The following HOXB9 variants were observed in gnomAD, a reference collection of about 807,000 sequenced individuals.
HOXB9 encodes homeobox B9, also known as homeobox protein Hox-B9.
HOXB9 carries 10 observed loss-of-function variants against 21.5 expected under a neutral mutation model. The observed-to-expected ratio is 0.47, with a 90% CI of 0.29 to 0.79. The LOEUF (loss-of-function observed/expected upper bound fraction) is 0.79. Among genes scored for constraint, HOXB9 ranks in the 30% least tolerant of loss-of-function variants. The probability of loss-of-function intolerance (pLI) is 0.10; values close to 1 mark genes in which losing one functional copy is unlikely to be tolerated. For missense variants in HOXB9, 375 were observed against 338.7 expected (o/e 1.11, Z -0.84); for synonymous variants, 156 against 151.2 (o/e 1.03, Z -0.23).
At chr17:48,625,707 C>G (rs192619342) in intron 1 of HOXB9, 46 bp downstream of exon 1, 16,242 of 1,428,818 alleles carry the variant, frequency 0.011, 122 homozygotes, top group South Asian at 0.019. Flanking sequence ...TCCCCGCCCC[C>G]CTCCTGGCCT....
intron 1 of HOXB9, 34 bp from the exon 2 acceptor site, chr17:48,623,169 G>A (rs2070785404): frequency 1.3e-6 from 2 of 1,533,876 alleles, no homozygotes; most frequent in African/African-American, 2.7e-5. Flanking sequence ...TCAAAGAAAG[G>A]AAGGGGGTGA....
At position 48,626,224 on chromosome 17, in the gene HOXB9, T is replaced by C. The variant is rs1216074769; in HGVS notation, c.46A>G (p.Ile16Val). 1.3e-6 allele frequency: 2 copies of C among 1,598,730 alleles called. No individual in the cohort carries two copies. The highest frequency in any genetic ancestry group is 1.1e-5 in the South Asian group (1 of 91,008). Residue 16 changes from isoleucine to valine, a missense_variant, in exon 1 of 2, where the codon ATA becomes GTA. By Grantham distance (29) the Ile-to-Val change is conservative. Coordinates refer to ENST00000311177, the MANE Select transcript of HOXB9 (RefSeq NM_024017.5). ...GGCGCGTCCTCACTCTCGTGACTTA[T>C]GATCGAGTCGACATAATAGCTGCTA... Reference protein sequence around the residue: ...TLSSYYVDSIISHESEDAPPA... With the variant: ...TLSSYYVDSIVSHESEDAPPA...
chr17:48,621,600 C>T lies in HOXB9; in HGVS notation c.*1300G>A, dbSNP rs1431810046. ...GGCCCATGAAGCAGGAGGCCAAGCC[C>T]GGCCCTGGGGCGGGTCTCCTTTGGC... is the stretch of plus-strand genomic sequence containing the variant. On this transcript the variant is annotated 3_prime_UTR_variant, in exon 2 of 2. Coordinates refer to ENST00000311177, the MANE Select transcript of HOXB9 (RefSeq NM_024017.5). The T allele has an allele frequency of 6.6e-6, 1 of 152,304 alleles. No homozygotes were observed. The highest frequency in any genetic ancestry group is 2.4e-5 in the African/African-American group (1 of 41,476). The allele number at this position is 152,304 out of a possible 1,614,324, so 9.4% of individuals were successfully genotyped here.
intron 1 of HOXB9, among the ~76,000 whole-genome samples, chr17:48,624,389 C>T (rs979353881): frequency 2.0e-5 from 3 of 152,030 alleles, no homozygotes; most frequent in Non-Finnish European, 4.4e-5. Context: ...GCTGCCTTGC[C>T]ATAATGGGCT....
chr17:48,624,569 G>A (rs555046215), intron 1 of HOXB9, among the ~76,000 whole-genome samples: 2 of 152,196 alleles, frequency 1.3e-5, no homozygotes, highest in South Asian at 4.1e-4. Flanking sequence ...CAGCAGGCAA[G>A]GATGCTCTAA....
chr17:48,622,227 T>C lies in HOXB9; in HGVS notation c.*673A>G, dbSNP rs1261353948. On this transcript the variant is annotated 3_prime_UTR_variant, in exon 2 of 2. Transcript: ENST00000311177. Reference sequence around the variant, plus strand: ...GCTTGGGGGCTAGGTTTGCTCCATCTTCCCCATGGCCCTTGGCCTGAGAAT... The same window carrying C: ...GCTTGGGGGCTAGGTTTGCTCCATCCTCCCCATGGCCCTTGGCCTGAGAAT... 1 of 152,684 alleles carries C rather than the reference T, an allele frequency of 6.5e-6. No individual in the cohort carries two copies. The highest frequency in any genetic ancestry group is 2.4e-5 in the African/African-American group (1 of 41,472). The allele number at this position is 152,684 out of a possible 1,614,324, so 9.5% of individuals were successfully genotyped here.
At position 48,621,280 on chromosome 17, in the gene HOXB9, C is replaced by T. The variant is rs935700224; in HGVS notation, c.*1620G>A. ...CAGAACCCTCCCATATAATCGACAACTGAAAACAAGCGAGACAATCACCCC... is the reference window on the plus strand; with the variant it reads ...CAGAACCCTCCCATATAATCGACAATTGAAAACAAGCGAGACAATCACCCC... On this transcript the variant is annotated 3_prime_UTR_variant, in exon 2 of 2. Coordinates refer to ENST00000311177, the MANE Select transcript of HOXB9 (RefSeq NM_024017.5). 4 of 147,922 alleles carry T rather than the reference C, an allele frequency of 2.7e-5. No individual in the cohort carries two copies. Among genetic ancestry groups the T allele is most frequent in the African/African-American group, 1.0e-4 (4 of 39,754 alleles). 9.2% of individuals were successfully genotyped at this position (147,922 alleles called of 1,614,324 possible). A position where few individuals can be genotyped will look rare whatever the true frequency, so the allele number is the denominator to read the frequency against.
In HOXB9 at chr17:48,625,944, G is replaced by C; in HGVS notation, c.326C>G (p.Pro109Arg). Residue 109 changes from proline to arginine, a missense_variant, in exon 1 of 2, where the codon CCG (proline) becomes CGG (arginine). By Grantham distance (103) the Pro-to-Arg change is moderately radical (BLOSUM62 -2). Transcript: ENST00000311177. ...CTTCACCGCCGCCTGGCCCTGCCCC[G>C]GGGCCGCTTCGCCGCGCGGCGCCGG... ...LEPAPRGEAAPGQGQAAVKAE... is the reference protein window; with the variant it reads ...LEPAPRGEAARGQGQAAVKAE... 1 of 1,511,294 alleles carries C rather than the reference G, an allele frequency of 6.6e-7. No individual in the cohort carries two copies. The highest frequency in any genetic ancestry group is 8.8e-7 in the Non-Finnish European group (1 of 1,140,540). 93.6% of individuals were successfully genotyped at this position (1,511,294 alleles called of 1,614,324 possible). A position where few individuals can be genotyped will look rare whatever the true frequency, so the allele number is the denominator to read the frequency against.
chr17:48,625,756 G>A lies in HOXB9; in HGVS notation c.514C>T (p.Gln172Ter). 1 of 1,574,406 alleles carries A rather than the reference G, an allele frequency of 6.4e-7. No individual in the cohort carries two copies. The highest frequency in any genetic ancestry group is 8.6e-7 in the Non-Finnish European group (1 of 1,160,986). ...TTCCTCACTTTTTATAACTTACTTTGATCCGGCCTCTCTTTGTCCTCGCTT... is the reference window on the plus strand; with the variant it reads ...TTCCTCACTTTTTATAACTTACTTTAATCCGGCCTCTCTTTGTCCTCGCTT... Reference protein sequence around the residue: ...EGSEDKERPDQTNPSANWLHA... With the variant: ...EGSEDKERPD Residue 172 changes from glutamine to a stop codon, truncating the protein, a stop_gained, in exon 1 of 2, where the codon CAA (glutamine) becomes TAA (stop). Transcript: ENST00000311177. LOFTEE classifies it high-confidence loss of function.
Position 48,622,895 on chromosome 17 carries a change from A to C in HOXB9, c.*5T>G. The C allele has an allele frequency of 6.2e-7, 1 of 1,606,810 alleles. No individual in the cohort carries two copies. Among genetic ancestry groups the C allele is most frequent in the Admixed American group, 1.7e-5 (1 of 59,994 alleles). On this transcript the variant is annotated 3_prime_UTR_variant, in exon 2 of 2. Coordinates refer to ENST00000311177, the MANE Select transcript of HOXB9 (RefSeq NM_024017.5). ...CTAGGGAGGACTGGGGGTAATCTTT[A>C]ATCTTTACTCTTTGCCCTGCTCCTT... is the stretch of plus-strand genomic sequence containing the variant.
Position 48,626,259 on chromosome 17 carries a change from G to T in HOXB9, c.11C>A (p.Ser4Tyr), listed in dbSNP as rs1434619037. The T allele has an allele frequency of 6.3e-7, 1 of 1,591,796 alleles. No individual in the cohort carries two copies. The highest frequency in any genetic ancestry group is 8.5e-7 in the Non-Finnish European group (1 of 1,174,668). Residue 4 changes from serine (S) to tyrosine (Y), a missense_variant, in exon 1 of 2, where the codon TCT (serine) becomes TAT (tyrosine). Coordinates refer to ENST00000311177, the MANE Select transcript of HOXB9 (RefSeq NM_024017.5). ...GACATAATAGCTGCTAAGCGTCCCA[G>T]AAATGGACATTCTCAGACATTATCC... MSI[S>Y]GTLSSYYVDS...
Position 48,622,573 on chromosome 17 carries a change from A to T in HOXB9, c.*327T>A. The T allele has an allele frequency of 7.7e-6, 2 of 261,230 alleles. No homozygotes were observed. The highest frequency in any genetic ancestry group is 1.5e-5 in the Non-Finnish European group (2 of 135,906). 16.2% of individuals were successfully genotyped at this position (261,230 alleles called of 1,614,324 possible). ...AGAAGAAACAGGCAAGCTGGAAGTG[A>T]GGGGCTAGGACTTCCCAGAAAAATT... On this transcript the variant is annotated 3_prime_UTR_variant, in exon 2 of 2. Transcript: ENST00000311177.
intron 1 of HOXB9, among the ~76,000 whole-genome samples, chr17:48,625,018 CG>C (rs558502761): frequency 6.6e-6 from 1 of 152,194 alleles, no homozygotes; most frequent in Non-Finnish European, 1.5e-5. Flanking sequence ...CAGAGAGCAG[CG>C]GGGGACCGCA....
In HOXB9 at chr17:48,622,193, A is replaced by G. The variant is rs2070776119; in HGVS notation, c.*707T>C. On this transcript the variant is annotated 3_prime_UTR_variant, in exon 2 of 2. Coordinates refer to ENST00000311177, the MANE Select transcript of HOXB9 (RefSeq NM_024017.5). ...CGTGCTGCCTTTTCTTGTACTTTCT[A>G]GCCCACCGGCTTGGGGGCTAGGTTT... 6.6e-6 allele frequency: 1 copy of G among 152,578 alleles called. No homozygotes were observed. The highest frequency in any genetic ancestry group is 1.9e-4 in the East Asian group (1 of 5,194). The allele number at this position is 152,578 out of a possible 1,614,324, so 9.5% of individuals were successfully genotyped here. A position where few individuals can be genotyped will look rare whatever the true frequency, so the allele number is the denominator to read the frequency against.
chr17:48,625,822 T>G lies in HOXB9; in HGVS notation c.448A>C (p.Asn150His), dbSNP rs1376248752. Residue 150 changes from asparagine to histidine, a missense_variant, in exon 1 of 2, where the codon AAT becomes CAT. Physicochemically the swap from Asn to His is moderately conservative, Grantham distance 68. Transcript: ENST00000311177. Reference protein sequence around the residue: ...TSAGREAVLSNQRPGYGDNKI... With the variant: ...TSAGREAVLSHQRPGYGDNKI... ...TTGTCCCCGTAGCCGGGTCTTTGAT[T>G]AGACAGCACGGCCTCCCTGCCCGCC... 2 of 1,610,352 alleles carry G rather than the reference T, an allele frequency of 1.2e-6. No individual in the cohort carries two copies. The highest frequency in any genetic ancestry group is 4.5e-5 in the East Asian group (2 of 44,372).
chr17:48,625,605 T>A, intron 1 of HOXB9, 148 bp downstream of exon 1: 3 of 951,350 alleles, frequency 3.2e-6, no homozygotes, highest in Non-Finnish European at 4.4e-6. Context: ...CTTCCCTCCG[T>A]CTTTCCTTCC....
At chr17:48,623,716 C>A (rs1019383617) in intron 1 of HOXB9, among the ~76,000 whole-genome samples, 1 of 152,180 alleles carries the variant, frequency 6.6e-6, no homozygotes, top group Admixed American at 6.5e-5. Flanking sequence ...GAAATCTCCC[C>A]CCCTGCCACC....
rs758798138 is a variant in HOXB9 at position 48,626,318 on chromosome 17, G to T, written c.-49C>A. On this transcript the variant is annotated 5_prime_UTR_variant, in exon 1 of 2. Transcript: ENST00000311177. The stretch of plus-strand genomic sequence containing the variant: ...GCAGGGGGAAGGGAAGCGCTCGCGC[G>T]GCGGCGCCCAAGCAGGGAGAGGTGG... The T allele has an allele frequency of 2.6e-6, 4 of 1,532,994 alleles. No homozygotes were observed. In the South Asian group the frequency reaches 3.7e-5, roughly 14 times the overall value. 95.0% of individuals were successfully genotyped at this position (1,532,994 alleles called of 1,614,324 possible). A position where few individuals can be genotyped will look rare whatever the true frequency, so the allele number is the denominator to read the frequency against.
rs371341813 is a variant in HOXB9, at chr17:48,622,839, G to T, written c.*61C>A. The T allele has an allele frequency of 1.6e-6, 2 of 1,279,218 alleles. No individual in the cohort carries two copies. The highest frequency in any genetic ancestry group is 1.5e-5 in the African/African-American group (1 of 68,412). The allele number at this position is 1,279,218 out of a possible 1,614,324, so 79.2% of individuals were successfully genotyped here. On this transcript the variant is annotated 3_prime_UTR_variant, in exon 2 of 2. Transcript: ENST00000311177. ...CCCAGACAGCACTGGCTTTGCAGTC[G>T]TCACATAACTAAGAGTGAGATGGGG...
Sources: gnomAD v4.1 joint callset for allele counts (sites outside exome capture counted in the v4.1 genomes callset) on GRCh38, gnomAD v4.1.1 for gene constraint, MANE v1.5 for transcripts, NCBI Gene and HGNC (gene_info 2026-07-23, HGNC 2026-07-21) for gene names.